Variants in AFAP1L2 observed in about 807,000 individuals in gnomAD.
AFAP1L2 encodes the protein actin filament associated protein 1 like 2.
A neutral mutation model predicts 99.3 loss-of-function variants in AFAP1L2; 46 were observed. The observed-to-expected ratio is 0.46, with a 90% CI of 0.37 to 0.59. AFAP1L2 has a LOEUF of 0.59. Among genes scored for constraint, AFAP1L2 ranks in the 20% least tolerant of loss-of-function variants. AFAP1L2 has a pLI of 0.00. For synonymous variants in AFAP1L2, 397 were observed against 419.1 expected (o/e 0.95, Z 0.64); for missense variants, 959 against 1,034.9 (o/e 0.93, Z 1.01).
chr10:114,337,552 ACC>A (rs1307419677), intron 2 of AFAP1L2, among the ~76,000 whole-genome samples: 1 of 152,204 alleles, frequency 6.6e-6, no homozygotes, highest in Non-Finnish European at 1.5e-5. Flanking sequence ...GGAACCCATG[ACC>A]AGTTCTCAGC....
chr10:114,330,471 A>C (rs1244594359), intron 4 of AFAP1L2, among the ~76,000 whole-genome samples: 1 of 152,216 alleles, frequency 6.6e-6, no homozygotes, highest in Non-Finnish European at 1.5e-5. Context: ...AGGCTGTGTG[A>C]CATTAGGTTT....
At chr10:114,289,420 C>T in the AFAP1L2 span, 1 of 1,614,234 alleles carries the variant, frequency 6.2e-7, no homozygotes, top group Non-Finnish European at 8.5e-7. Context: ...CCGGGATTCC[C>T]TGATCCACGT....
At chr10:114,371,633 G>A (rs1277373530) in intron 1 of AFAP1L2, among the ~76,000 whole-genome samples, 1 of 152,006 alleles carries the variant, frequency 6.6e-6, no homozygotes, top group East Asian at 1.9e-4. Flanking sequence ...GACACAGGGA[G>A]GGAACATTAC....
the AFAP1L2 span, chr10:114,289,516 G>C: frequency 5.6e-6 from 9 of 1,611,656 alleles, no homozygotes; most frequent in South Asian, 3.3e-5. Context: ...ACACCCTCAG[G>C]GCTGCCCCCA....
chr10:114,319,470 G>A, intron 5 of AFAP1L2: 1 of 986,746 alleles, frequency 1.0e-6, no homozygotes, highest in Non-Finnish European at 1.4e-6. Flanking sequence ...ACAGGAAGAA[G>A]ACAGTGGCCA....
chr10:114,302,523 A>G, intron 11 of AFAP1L2, 39 bp from the exon 12 acceptor site: 1 of 1,611,846 alleles, frequency 6.2e-7, no homozygotes, highest in Non-Finnish European at 8.5e-7. Context: ...AGGGCCAGGC[A>G]GTGCTGCCTG....
intron 2 of AFAP1L2, among the ~76,000 whole-genome samples, chr10:114,338,043 G>GA (rs1245517873): frequency 6.6e-6 from 1 of 152,230 alleles, no homozygotes; most frequent in Non-Finnish European, 1.5e-5. Flanking sequence ...AAGTCTGAAA[G>GA]AAAACACCTC....
intron 1 of AFAP1L2, among the ~76,000 whole-genome samples, chr10:114,402,782 C>T (rs1480111509): frequency 6.6e-6 from 1 of 152,176 alleles, no homozygotes; most frequent in Non-Finnish European, 1.5e-5. Flanking sequence ...GTGATTTGCC[C>T]TGATTTAGAG....
At chr10:114,305,859 C>T (rs1488667100) in intron 10 of AFAP1L2, among the ~76,000 whole-genome samples, 9 of 65,500 alleles carry the variant, frequency 1.4e-4, no homozygotes, top group African/African-American at 1.9e-4. Flanking sequence ...CAGGAGGGGA[C>T]GCGGGTGCAG....
chr10:114,331,248 C>A (rs1232498702), intron 4 of AFAP1L2, among the ~76,000 whole-genome samples: 2 of 152,014 alleles, frequency 1.3e-5, no homozygotes, highest in African/African-American at 2.4e-5. Context: ...CCTTTAAACT[C>A]CAGAACAATG....
intron 1 of AFAP1L2, among the ~76,000 whole-genome samples, chr10:114,379,714 T>C (rs1321007069): frequency 6.6e-6 from 1 of 152,230 alleles, no homozygotes; most frequent in Non-Finnish European, 1.5e-5. Flanking sequence ...CATTCTTACA[T>C]GTGAACACTT....
chr10:114,283,239 C>T, the AFAP1L2 span, among the ~76,000 whole-genome samples: 15 of 152,016 alleles, frequency 9.9e-5, no homozygotes, highest in African/African-American at 2.9e-4. Context: ...GAAGCAATGC[C>T]GGCAGTTAGA....
At chr10:114,358,614 A>G (rs2051741628) in intron 1 of AFAP1L2, among the ~76,000 whole-genome samples, 1 of 152,174 alleles carries the variant, frequency 6.6e-6, no homozygotes. Context: ...AACCAGAGTC[A>G]TTTGAAAATA....
intron 7 of AFAP1L2, among the ~76,000 whole-genome samples, chr10:114,312,693 T>C (rs1346451930): frequency 6.6e-6 from 1 of 152,236 alleles, no homozygotes; most frequent in East Asian, 1.9e-4. Context: ...AGGGCTGGCC[T>C]TTCAGAGCTT....
rs115377204 is a variant in AFAP1L2, at chr10:114,341,926, C to G, written c.17-1195G>C. On this transcript the variant is annotated intron_variant, in intron 1 of 18. Coordinates refer to ENST00000304129, the MANE Select transcript of AFAP1L2 (RefSeq NM_001001936.3). ...GGCAGAAGGGGAAACTGAGACAAGT[C>G]TCAGAGCAGAAGTGAAAGTTTATTA... Among the ~76,000 whole-genome samples, 160 of 152,288 alleles carry G rather than the reference C, an allele frequency of 1.1e-3. 1 individual carries two copies. Among genetic ancestry groups the G allele is most frequent in the African/African-American group, 3.8e-3 (158 of 41,562 alleles).
downstream of AFAP1L2, chr10:114,294,697 G>T: frequency 1.9e-6 from 1 of 537,548 alleles, no homozygotes; most frequent in Non-Finnish European, 2.4e-6. Context: ...TATGCTCTTT[G>T]ATTCAAGGAG....
intron 12 of AFAP1L2, 155 bp from the exon 13 acceptor site, chr10:114,301,620 ACCT>A: frequency 3.3e-6 from 2 of 599,960 alleles, no homozygotes; most frequent in Admixed American, 2.9e-5. Flanking sequence ...ATCTGAGGGC[ACCT>A]CCTCCCTCTT....
At chr10:114,388,132 G>A (rs527877931) in intron 1 of AFAP1L2, among the ~76,000 whole-genome samples, 10 of 152,242 alleles carry the variant, frequency 6.6e-5, no homozygotes, top group African/African-American at 2.2e-4. Flanking sequence ...TCTACCTGGC[G>A]GTGACTTACC....
At chr10:114,312,001 C>G (rs1454584281) in intron 7 of AFAP1L2, among the ~76,000 whole-genome samples, 3 of 152,158 alleles carry the variant, frequency 2.0e-5, no homozygotes, top group African/African-American at 7.2e-5. Context: ...CCAGCCAAGT[C>G]CACCTCTGCA....
Sources: allele counts gnomAD v4.1 joint callset (sites outside exome capture counted in the v4.1 genomes callset), GRCh38; gene constraint gnomAD v4.1.1; transcripts MANE v1.5; gene names NCBI Gene and HGNC (gene_info 2026-07-23, HGNC 2026-07-21).